KDM7A: variants seen among roughly 807,000 people sequenced by gnomAD.
KDM7A encodes lysine-specific demethylase 7A.
KDM7A carries 28 observed loss-of-function variants against 114.8 expected under a neutral mutation model. The observed-to-expected ratio is 0.24, with a 90% CI of 0.18 to 0.33. The LOEUF (loss-of-function observed/expected upper bound fraction) is 0.33. Ranked by LOEUF, KDM7A falls within the 10% of genes least tolerant of loss-of-function variation. KDM7A has a pLI of 1.00. For synonymous variants in KDM7A, 423 were observed against 397.8 expected (o/e 1.06, Z -0.75); for missense variants, 942 against 1,142.5 (o/e 0.82, Z 2.53).
intron 1 of KDM7A, among the ~76,000 whole-genome samples, chr7:140,174,210 G>A (rs1268960340): frequency 1.2e-4 from 18 of 150,856 alleles, no homozygotes; most frequent in East Asian, 5.8e-4. Context: ...TTAATAAAAA[G>A]ATACTGCTTT....
At chr7:140,134,672 A>AGTC (rs1371186398) in intron 2 of KDM7A, among the ~76,000 whole-genome samples, 3 of 152,186 alleles carry the variant, frequency 2.0e-5, no homozygotes, top group African/African-American at 7.2e-5. Context: ...TAAGATGGGT[A>AGTC]GACAGCAGAA....
At chr7:140,169,556 C>T (rs1052775100) in intron 1 of KDM7A, among the ~76,000 whole-genome samples, 2 of 152,050 alleles carry the variant, frequency 1.3e-5, no homozygotes, top group East Asian at 1.9e-4. Context: ...GACAAAGTCT[C>T]GCTCTGTCGC....
rs1186615267 is a variant in KDM7A at position 140,135,369 on chromosome 7, A to AT, written c.281-1714dup. 3.3e-5 allele frequency among the ~76,000 whole-genome samples: 5 copies of AT among 151,922 alleles called. No homozygotes were observed. The South Asian group carries it at 6.2e-4, about 19-fold the overall frequency. On this transcript the variant is annotated intron_variant, in intron 2 of 19. Coordinates refer to ENST00000397560, the MANE Select transcript of KDM7A (RefSeq NM_030647.2). Reference sequence around the variant, plus strand: ...AGGGGTGTGCCACCACATTCGGCTAATTTTTTGTATTTTAGTAGAGATGGG... The same window carrying AT: ...AGGGGTGTGCCACCACATTCGGCTAATTTTTTTGTATTTTAGTAGAGATGGG...
chr7:140,135,089 C>A (rs1818846156), intron 2 of KDM7A, among the ~76,000 whole-genome samples: 1 of 151,080 alleles, frequency 6.6e-6, no homozygotes, highest in Non-Finnish European at 1.5e-5. Flanking sequence ...AAGCAAACTT[C>A]CTAGGAAATT....
intron 8 of KDM7A, among the ~76,000 whole-genome samples, chr7:140,120,098 A>G (rs1047438430): frequency 2.0e-5 from 3 of 152,212 alleles, no homozygotes; most frequent in African/African-American, 7.2e-5. Flanking sequence ...GCTTTTTTCT[A>G]GCACCATATG....
In KDM7A at chr7:140,111,138, C is replaced by T. The variant is rs1459089667; in HGVS notation, c.1385G>A (p.Gly462Glu). 1 of 1,607,958 alleles carries T rather than the reference C, an allele frequency of 6.2e-7. No homozygotes were observed. The highest frequency in any genetic ancestry group is 8.5e-7 in the Non-Finnish European group (1 of 1,175,774). Residue 462 changes from glycine to glutamate, a missense_variant, in exon 11 of 20, where the codon GGA (glycine) becomes GAA (glutamate). This residue lies in a region of KDM7A where 512 missense variants were observed against 576.6 expected (regional missense o/e 0.89). Transcript: ENST00000397560. The stretch of plus-strand genomic sequence containing the variant: ...TTTAGAAAGTTCTTTAATAAGGTGT[C>T]CAGGTCTAACATTGTCTGGAATTTC... ...AFEIPDNVRP[G>E]HLIKELSKVI... is the part of the protein sequence containing the mutation.
chr7:140,171,602 T>C (rs1585172165), intron 1 of KDM7A, among the ~76,000 whole-genome samples: 1 of 146,620 alleles, frequency 6.8e-6, no homozygotes, highest in African/African-American at 2.5e-5. Flanking sequence ...GTTGTATTTA[T>C]ATATTTATAT....
chr7:140,153,897 A>G (rs1414534562), intron 1 of KDM7A, among the ~76,000 whole-genome samples: 3 of 151,994 alleles, frequency 2.0e-5, no homozygotes, highest in African/African-American at 7.3e-5. Flanking sequence ...TCGATTATCT[A>G]TTTTGCTAAT....
intron 1 of KDM7A, among the ~76,000 whole-genome samples, chr7:140,175,150 A>C (rs1298880229): frequency 1.3e-5 from 2 of 152,256 alleles, no homozygotes; most frequent in East Asian, 1.9e-4. Context: ...CCTTTCTTTT[A>C]AAGTGATAAT....
chr7:140,115,530 C>T (rs577667322), intron 9 of KDM7A, among the ~76,000 whole-genome samples: 143 of 152,210 alleles, frequency 9.4e-4, no homozygotes, highest in Non-Finnish European at 1.6e-3. Flanking sequence ...GTGCTGTGTC[C>T]ACTCAGGGTT....
intron 7 of KDM7A, among the ~76,000 whole-genome samples, chr7:140,121,915 C>G (rs1266622306): frequency 6.6e-6 from 1 of 152,194 alleles, no homozygotes; most frequent in African/African-American, 2.4e-5. Context: ...CAGTCACTAA[C>G]AACCTTGGGA....
At position 140,176,403 on chromosome 7, in the gene KDM7A, C is replaced by T. The variant is rs909594107; in HGVS notation, c.194+341G>A. On this transcript the variant is annotated intron_variant, in intron 1 of 19. Transcript: ENST00000397560. This position sits in a 1 kb window ranked among gnomAD's most constrained non-coding sequence, Gnocchi z 4.4. ...CCGGGCTGGCGAGGGGCTGCGGACC[C>T]GGCCGGCGCTCCGCCCGACGCCCCC... Among the ~76,000 whole-genome samples, 8 of 138,258 alleles carry T rather than the reference C, an allele frequency of 5.8e-5. No individual in the cohort carries two copies. Among genetic ancestry groups the T allele is most frequent in the Non-Finnish European group, 1.1e-4 (7 of 63,402 alleles). 90.7% of individuals were successfully genotyped at this position (138,258 alleles called of 152,430 possible).
rs1817924710 is a variant in KDM7A at position 140,086,415 on chromosome 7, G to A, written c.*4679C>T. 6.6e-6 allele frequency: 1 copy of A among 152,034 alleles called. No homozygotes were observed. Among genetic ancestry groups the A allele is most frequent in the African/African-American group, 2.4e-5 (1 of 41,402 alleles). The allele number at this position is 152,034 out of a possible 1,614,324, so 9.4% of individuals were successfully genotyped here. A position where few individuals can be genotyped will look rare whatever the true frequency, so the allele number is the denominator to read the frequency against. Reference sequence around the variant, plus strand: ...AAATGAGGAAAAAAATACTATAGAAGAATAAAATCACAGTCACAACAAGCT... The same window carrying A: ...AAATGAGGAAAAAAATACTATAGAAAAATAAAATCACAGTCACAACAAGCT... On this transcript the variant is annotated 3_prime_UTR_variant, in exon 20 of 20. Transcript: ENST00000397560.
chr7:140,120,233 T>C (rs1422110907), intron 8 of KDM7A, among the ~76,000 whole-genome samples: 1 of 152,212 alleles, frequency 6.6e-6, no homozygotes, highest in Non-Finnish European at 1.5e-5. Context: ...CCTTTTGTTG[T>C]TGTTGTTTTA....
chr7:140,109,350 C>T lies in KDM7A; in HGVS notation c.1428+1745G>A, dbSNP rs967505018. ...AATGACCCATCTTCTGTGTCGCTCA[C>T]GCTGGGAGCTGTAGACTGGAGCTGT... On this transcript the variant is annotated intron_variant, in intron 11 of 19. Coordinates refer to ENST00000397560, the MANE Select transcript of KDM7A (RefSeq NM_030647.2). Among the ~76,000 whole-genome samples the T allele has an allele frequency of 5.9e-5, 9 of 152,362 alleles. No individual in the cohort carries two copies. The East Asian group carries it at 9.6e-4, about 16-fold the overall frequency.
chr7:140,097,084 G>A, intron 15 of KDM7A, 37 bp from the exon 16 acceptor site: 1 of 1,535,596 alleles, frequency 6.5e-7, no homozygotes. Context: ...AGCTACATAA[G>A]AAATTGACCA....
At chr7:140,107,652 G>A (rs1445924040) in intron 11 of KDM7A, among the ~76,000 whole-genome samples, 1 of 152,240 alleles carries the variant, frequency 6.6e-6, no homozygotes, top group Non-Finnish European at 1.5e-5. Flanking sequence ...CTGTCAGTCT[G>A]ATGGGCTTCC....
intron 2 of KDM7A, among the ~76,000 whole-genome samples, chr7:140,136,124 T>C (rs190000594): frequency 2.7e-4 from 41 of 152,270 alleles, no homozygotes; most frequent in Non-Finnish European, 5.3e-4. Flanking sequence ...GATTAATCAG[T>C]GAAGTGCATC....
chr7:140,140,541 C>T (rs189657398), intron 1 of KDM7A, among the ~76,000 whole-genome samples: 2 of 151,882 alleles, frequency 1.3e-5, no homozygotes, highest in Non-Finnish European at 2.9e-5. Context: ...TTTGGGAGGC[C>T]GAGGCGGGTG....
Sources: gnomAD v4.1 joint callset for allele counts (sites outside exome capture counted in the v4.1 genomes callset) on GRCh38, gnomAD v4.1.1 for gene constraint, gnomAD v4.1.1 regional missense constraint, Gnocchi (gnomAD v3.1) non-coding constraint, MANE v1.5 for transcripts, NCBI Gene and HGNC (gene_info 2026-07-23, HGNC 2026-07-21) for gene names.